The following GNPDA1 variants were observed in gnomAD, a reference collection of about 807,000 sequenced individuals.
The protein encoded by GNPDA1 is glucosamine-6-phosphate deaminase 1.
Under a neutral mutation model 28.5 loss-of-function variants are expected in GNPDA1, and 24 were observed. That is an observed-to-expected ratio of 0.84 (90% CI 0.61 to 1.19). The LOEUF (loss-of-function observed/expected upper bound fraction) is 1.19, where lower values mean the gene tolerates loss of function less well. Ranked by LOEUF, GNPDA1 falls within the 50% of genes most tolerant of loss-of-function variation. The pLI, the probability that GNPDA1 is intolerant of heterozygous loss-of-function variation, is 0.00. For missense variants in GNPDA1, 264 were observed against 367.3 expected (o/e 0.72, Z 2.30); for synonymous variants, 147 against 139.3 (o/e 1.06, Z -0.39).
intron 2 of GNPDA1, among the ~76,000 whole-genome samples, chr5:142,010,141 G>A (rs1755906934): frequency 6.6e-6 from 1 of 152,244 alleles, no homozygotes; most frequent in South Asian, 2.1e-4. Context: ...TTGGTCCACA[G>A]GCCAAATTTG....
intron 2 of GNPDA1, among the ~76,000 whole-genome samples, chr5:142,011,241 A>C (rs1755946073): frequency 6.7e-6 from 1 of 150,282 alleles, no homozygotes; most frequent in Non-Finnish European, 1.5e-5. Flanking sequence ...GACCAAAAAA[A>C]AAAAAAAAAA....
intron 3 of GNPDA1, among the ~76,000 whole-genome samples, chr5:142,006,747 C>A (rs986497106): frequency 3.9e-5 from 6 of 152,122 alleles, no homozygotes; most frequent in Admixed American, 3.3e-4. Flanking sequence ...AGTTCTACCC[C>A]ACTCAGCCTG....
intron 2 of GNPDA1, among the ~76,000 whole-genome samples, chr5:142,008,410 G>A (rs367648818): frequency 6.6e-6 from 1 of 152,198 alleles, no homozygotes; most frequent in African/African-American, 2.4e-5. Context: ...GAGCAGCGAA[G>A]CCCTAGTTGA....
intron 1 of GNPDA1, 31 bp from the exon 2 acceptor site, chr5:142,012,072 G>A: frequency 6.4e-7 from 1 of 1,569,552 alleles, no homozygotes; most frequent in Non-Finnish European, 8.7e-7. Flanking sequence ...TGACAGAAAG[G>A]AATCAATGGT....
chr5:142,010,643 A>T (rs1755926304), intron 2 of GNPDA1, among the ~76,000 whole-genome samples: 1 of 151,302 alleles, frequency 6.6e-6, no homozygotes, highest in African/African-American at 2.4e-5. Flanking sequence ...CCTCCTCAGT[A>T]GCTGGGACTA....
intron 2 of GNPDA1, 29 bp from the exon 3 acceptor site, chr5:142,007,929 C>A (rs1283668071): frequency 7.9e-7 from 1 of 1,261,276 alleles, no homozygotes; most frequent in Non-Finnish European, 1.2e-6. Context: ...CCATGAACAC[C>A]CCTTGCACCC....
At chr5:142,010,250 C>T (rs1300186335) in intron 2 of GNPDA1, among the ~76,000 whole-genome samples, 1 of 152,158 alleles carries the variant, frequency 6.6e-6, no homozygotes, top group Admixed American at 6.5e-5. Flanking sequence ...CCTCTATCTG[C>T]TGGGTTCAAT....
Position 142,007,914 on chromosome 5 carries a change from CACACCCATGA to C in GNPDA1, c.125-24_125-15del. ...GTGGGGTACTCCCTGCAAGAGTGGC[CACACCCATGA>C]ACACCCCTTGCACCCCAAGTCTGGA... On this transcript the variant is annotated splice_polypyrimidine_tract_variant and intron_variant, in intron 2 of 6. Coordinates refer to ENST00000311337, the MANE Select transcript of GNPDA1 (RefSeq NM_005471.5). 6.7e-7 allele frequency: 1 copy of C among 1,490,458 alleles called. No individual in the cohort carries two copies. The allele number at this position is 1,490,458 out of a possible 1,614,324, so 92.3% of individuals were successfully genotyped here.
chr5:142,012,797 G>A, intron 1 of GNPDA1, 198 bp downstream of exon 1: 3 of 451,894 alleles, frequency 6.6e-6, no homozygotes, highest in Non-Finnish European at 8.8e-6. Context: ...GGAAAGAGGC[G>A]AAGGTGGCCC....
Position 142,003,143 on chromosome 5 carries a change from C to T in GNPDA1, c.714G>A (p.Val238=), listed in dbSNP as rs1755718063. The T allele has an allele frequency of 1.2e-6, 2 of 1,614,194 alleles. No individual in the cohort carries two copies. Among genetic ancestry groups the T allele is most frequent in the African/African-American group, 2.7e-5 (2 of 75,064 alleles). The change falls in exon 6 of 7, where the codon GTG becomes GTA. Residue 238 remains valine (V), a synonymous_variant. Transcript: ENST00000311337. This position sits in a 1 kb window ranked among gnomAD's most constrained non-coding sequence, Gnocchi z 4.0. ...AFQQHPRTVF[V]CDEDATLELK... Reference sequence around the variant, plus strand: ...GCTCCAAGGTGGCATCCTCGTCACACACAAACACGGTGCGGGGATGCTGCT... The same window carrying T: ...GCTCCAAGGTGGCATCCTCGTCACATACAAACACGGTGCGGGGATGCTGCT...
chr5:142,012,756 C>T (rs1755994672), intron 1 of GNPDA1: 8 of 929,570 alleles, frequency 8.6e-6, no homozygotes, highest in Middle Eastern at 5.5e-4. Flanking sequence ...ACATTTTGTT[C>T]CCCCAGCACT....
At chr5:142,006,461 C>T in intron 3 of GNPDA1, 135 bp from the exon 4 acceptor site, 1 of 625,550 alleles carries the variant, frequency 1.6e-6, no homozygotes, top group South Asian at 1.9e-5. Context: ...AGGCACCAGC[C>T]CTCTGACCCC....
chr5:142,007,924 A>G (rs1561572700), intron 2 of GNPDA1, 24 bp from the exon 3 acceptor site: 1 of 1,361,230 alleles, frequency 7.3e-7, no homozygotes, highest in Non-Finnish European at 1.1e-6. Context: ...CACACCCATG[A>G]ACACCCCTTG....
chr5:142,006,904 A>T (rs1057227851), intron 3 of GNPDA1, among the ~76,000 whole-genome samples: 7 of 152,158 alleles, frequency 4.6e-5, no homozygotes, highest in Non-Finnish European at 1.0e-4. Context: ...AAAAGGAAGG[A>T]AATTTTGACA....
chr5:142,011,718 G>C, intron 2 of GNPDA1, 194 bp downstream of exon 2: 1 of 526,748 alleles, frequency 1.9e-6, no homozygotes, highest in Non-Finnish European at 3.4e-6. Flanking sequence ...ATTCTGCAGG[G>C]ACAGGCAGCG....
Position 142,002,035 on chromosome 5 carries a change from G to T in GNPDA1, c.864C>A (p.Ser288Arg). Residue 288 changes from serine (S) to arginine (R), a missense_variant, in exon 7 of 7, where the codon AGC becomes AGA. Coordinates refer to ENST00000311337, the MANE Select transcript of GNPDA1 (RefSeq NM_005471.5). ...EKSQSSKKPY[S>R]D Reference sequence around the variant, plus strand: ...CACTAGGTCCCAGCACAGGCTAATCGCTGTATGGTTTCTTCGAAGATTGGC... The same window carrying T: ...CACTAGGTCCCAGCACAGGCTAATCTCTGTATGGTTTCTTCGAAGATTGGC... 1 of 1,547,354 alleles carries T rather than the reference G, an allele frequency of 6.5e-7. No individual in the cohort carries two copies. Among genetic ancestry groups the T allele is most frequent in the Non-Finnish European group, 8.9e-7 (1 of 1,119,426 alleles).
rs1398578636 is a variant in GNPDA1, at chr5:142,001,073, T to C, written c.*956A>G. ...AAGTGGGGAAACAATACTAGAAGCATTTGGTGTATTTTCCTGGCACTCACC... is the reference window on the plus strand; with the variant it reads ...AAGTGGGGAAACAATACTAGAAGCACTTGGTGTATTTTCCTGGCACTCACC... On this transcript the variant is annotated 3_prime_UTR_variant, in exon 7 of 7. Transcript: ENST00000311337. 1 of 152,280 alleles carries C rather than the reference T, an allele frequency of 6.6e-6. No homozygotes were observed. Among genetic ancestry groups the C allele is most frequent in the East Asian group, 1.9e-4 (1 of 5,336 alleles). 9.4% of individuals were successfully genotyped at this position (152,280 alleles called of 1,614,324 possible).
At chr5:142,012,157 T>C (rs899865776) in intron 1 of GNPDA1, 116 bp from the exon 2 acceptor site, 6 of 1,129,570 alleles carry the variant, frequency 5.3e-6, no homozygotes, top group East Asian at 2.6e-5. Flanking sequence ...CCAAGCTGTC[T>C]GAGCCAGGAA....
rs1561571973 is a variant in GNPDA1 at position 142,006,324 on chromosome 5, G to A, written c.229C>T (p.Leu77Phe). The change falls in exon 4 of 7, where the codon CTT (leucine) becomes TTT (phenylalanine). Residue 77 changes from leucine (L) to phenylalanine (F), a missense_variant and splice_region_variant. Coordinates refer to ENST00000311337, the MANE Select transcript of GNPDA1 (RefSeq NM_005471.5). ...TAACTCTCCGGGTGGTCTCGAGGAA[G>A]GCCTGTGGGGCCGTGAGACACTCGG... is the stretch of plus-strand genomic sequence containing the variant. ...KTFNMDEYVGLPRDHPESYHS... is the reference protein window; with the variant it reads ...KTFNMDEYVGFPRDHPESYHS... 1 of 1,611,216 alleles carries A rather than the reference G, an allele frequency of 6.2e-7. No individual in the cohort carries two copies. Among genetic ancestry groups the A allele is most frequent in the Non-Finnish European group, 8.5e-7 (1 of 1,178,380 alleles).
Sources: gnomAD v4.1 joint callset for allele counts (sites outside exome capture counted in the v4.1 genomes callset) on GRCh38, gnomAD v4.1.1 for gene constraint, Gnocchi (gnomAD v3.1) non-coding constraint, MANE v1.5 for transcripts, NCBI Gene and HGNC (gene_info 2026-07-23, HGNC 2026-07-21) for gene names.